The following LAMA5 variants were observed in gnomAD, a reference collection of about 807,000 sequenced individuals.
The protein encoded by LAMA5 is laminin subunit alpha-5.
Under a neutral mutation model 433.4 loss-of-function variants are expected in LAMA5, and 260 were observed. The observed-to-expected ratio is 0.60, with a 90% CI of 0.54 to 0.66. LAMA5 has a LOEUF of 0.66. Ranked by LOEUF, LAMA5 falls within the 30% of genes least tolerant of loss-of-function variation. The pLI, the probability that LAMA5 is intolerant of heterozygous loss-of-function variation, is 0.00. For missense variants in LAMA5, 5,378 were observed against 5,258.5 expected, an observed-to-expected ratio of 1.02 and a Z score of -0.70; for synonymous variants, 2,620 against 2,226.6, an observed-to-expected ratio of 1.18 and a Z score of -4.97.
At chr20:62,327,107 C>T (rs1422001125) in intron 38 of LAMA5, 126 bp downstream of exon 38, 3 of 1,141,174 alleles carry the variant, frequency 2.6e-6, no homozygotes, top group Non-Finnish European at 3.7e-6. Context: ...GGGACAGGGC[C>T]TGGGCACCCT....
intron 52 of LAMA5, 57 bp from the exon 53 acceptor site, chr20:62,318,707 C>G: frequency 6.3e-7 from 1 of 1,585,744 alleles, no homozygotes; most frequent in East Asian, 2.3e-5. Flanking sequence ...TTCATGACCC[C>G]TGGTCTCCAC....
Position 62,344,605 on chromosome 20 carries a change from C to T in LAMA5, c.1477+1213G>A, listed in dbSNP as rs143921873. On this transcript the variant is annotated intron_variant, in intron 11 of 79. Transcript: ENST00000252999. The stretch of plus-strand genomic sequence containing the variant: ...CTGGGATTACAGGCACGCACCACCA[C>T]GCCTGGCTAATTTTTGTATTTTTAG... Among the ~76,000 whole-genome samples, 1,451 of 152,006 alleles carry T rather than the reference C, an allele frequency of 9.5e-3. 12 individuals are homozygous for T. Among genetic ancestry groups the T allele is most frequent in the African/African-American group, 0.033 (1,373 of 41,438 alleles).
chr20:62,340,992 T>C (rs1982502587), intron 11 of LAMA5, among the ~76,000 whole-genome samples: 1 of 151,828 alleles, frequency 6.6e-6, no homozygotes, highest in South Asian at 2.1e-4. Context: ...TGAGCCGAGA[T>C]CGTGCAACTG....
chr20:62,345,707 CAAAAAT>C, intron 11 of LAMA5, 105 bp downstream of exon 11: 1 of 786,514 alleles, frequency 1.3e-6, no homozygotes. Context: ...AGAAATAAGC[CAAAAAT>C]AAAGTGACCA....
rs182267865 is a variant in LAMA5, at chr20:62,348,130, T to A, written c.957-1102A>T. On this transcript the variant is annotated intron_variant, in intron 6 of 79. Coordinates refer to ENST00000252999, the MANE Select transcript of LAMA5 (RefSeq NM_005560.6). ...CGGGCTGGCGATACCCTGGGGTGTA[T>A]AGCAAAAGCTCTCCCAAAACCATCC... Among the ~76,000 whole-genome samples, 384 of 152,222 alleles carry A rather than the reference T, an allele frequency of 2.5e-3. 2 individuals carry two copies. The highest frequency in any genetic ancestry group is 8.4e-3 in the African/African-American group (347 of 41,526).
intron 44 of LAMA5, 40 bp from the exon 45 acceptor site, chr20:62,323,710 C>A: frequency 5.0e-6 from 8 of 1,589,672 alleles, no homozygotes; most frequent in Non-Finnish European, 6.9e-6. Context: ...TGGCCCGTGG[C>A]GCCCACCCTC....
intron 22 of LAMA5, 68 bp downstream of exon 22, chr20:62,334,118 C>CCCCT: frequency 2.5e-6 from 4 of 1,586,628 alleles, no homozygotes; most frequent in Non-Finnish European, 3.4e-6. Flanking sequence ...GGCCTGCCCA[C>CCCCT]CCCTCCCTGC....
chr20:62,363,918 A>T (rs371595945), intron 1 of LAMA5, among the ~76,000 whole-genome samples: 1 of 152,016 alleles, frequency 6.6e-6, no homozygotes, highest in Non-Finnish European at 1.5e-5. Flanking sequence ...GGATTGCCCC[A>T]TCTCAGACCT....
intron 11 of LAMA5, among the ~76,000 whole-genome samples, chr20:62,338,972 G>T (rs1982148855): frequency 6.6e-6 from 1 of 150,782 alleles, no homozygotes; most frequent in African/African-American, 2.4e-5. Flanking sequence ...GGGAGGCGGA[G>T]GTTGCAATGA....
At chr20:62,316,143 GGACC>G in intron 57 of LAMA5, 85 bp from the exon 58 acceptor site, 8 of 895,210 alleles carry the variant, frequency 8.9e-6, no homozygotes, top group Non-Finnish European at 1.4e-5. Context: ...GACCCCAGGA[GGACC>G]AAGGCTGACA....
At chr20:62,354,022 G>A (rs544874176) in intron 2 of LAMA5, among the ~76,000 whole-genome samples, 1 of 152,136 alleles carries the variant, frequency 6.6e-6, no homozygotes, top group African/African-American at 2.4e-5. Context: ...GCAGAGGAAA[G>A]CTGCTCCTTC....
At chr20:62,338,631 G>A in intron 11 of LAMA5, 23 bp from the exon 12 acceptor site, 1 of 1,598,260 alleles carries the variant, frequency 6.3e-7, no homozygotes, top group African/African-American at 1.3e-5. Flanking sequence ...GACAGGCAGG[G>A]GAGTCTCAGA....
At chr20:62,316,100 C>G in intron 57 of LAMA5, 42 bp from the exon 58 acceptor site, 1 of 1,422,672 alleles carries the variant, frequency 7.0e-7, no homozygotes, top group East Asian at 2.4e-5. Flanking sequence ...GCTTCACCCC[C>G]AGTATACAAT....
chr20:62,333,126 C>T lies in LAMA5; in HGVS notation c.3246G>A (p.Pro1082=), dbSNP rs565342421. The part of the protein sequence containing the change: ...PRPCPTEQLS[P]SHPPLITCTG... ...TGCAGGTGATCAGTGGCGGGTGCGA[C>T]GGGCTGAGCTGCTCCGTGGGGCAGG... The change falls in exon 26 of 80, where the codon CCG becomes CCA. Residue 1082 remains proline, a synonymous_variant. Coordinates refer to ENST00000252999, the MANE Select transcript of LAMA5 (RefSeq NM_005560.6). 20 of 1,481,930 alleles carry T rather than the reference C, an allele frequency of 1.3e-5. No individual in the cohort carries two copies. The South Asian group carries it at 1.7e-4, about 12-fold the overall frequency. The allele number at this position is 1,481,930 out of a possible 1,614,324, so 91.8% of individuals were successfully genotyped here. A position where few individuals can be genotyped will look rare whatever the true frequency, so the allele number is the denominator to read the frequency against.
intron 16 of LAMA5, among the ~76,000 whole-genome samples, chr20:62,337,204 C>T (rs1278425340): frequency 1.5e-5 from 2 of 137,452 alleles, no homozygotes; most frequent in African/African-American, 5.5e-5. Flanking sequence ...ATACGCGCAC[C>T]CACTTATGCG....
In LAMA5 at chr20:62,310,168, C is replaced by T. The variant is rs745336416; in HGVS notation, c.10734+10G>A. On this transcript the variant is annotated intron_variant, in intron 77 of 79. Coordinates refer to ENST00000252999, the MANE Select transcript of LAMA5 (RefSeq NM_005560.6). ...ACCCTGCCCTGGCACGCCACCTCTG[C>T]CAGGCTTACTTGCTTCTCGGTCACC... 1.9e-6 allele frequency: 3 copies of T among 1,612,262 alleles called. No homozygotes were observed. Among genetic ancestry groups the T allele is most frequent in the East Asian group, 2.2e-5 (1 of 44,882 alleles).
Position 62,326,972 on chromosome 20 carries a change from G to C in LAMA5, c.5113-6C>G, listed in dbSNP as rs915523279. ...GTCCCACCGTAGGATGACACCTGGA[G>C]GCAGGACAGACAGAGGTGACCTGGC... On this transcript the variant is annotated splice_region_variant and splice_polypyrimidine_tract_variant and intron_variant, in intron 38 of 79. Transcript: ENST00000252999. The C allele has an allele frequency of 6.3e-7, 1 of 1,592,890 alleles. No homozygotes were observed.
At position 62,309,978 on chromosome 20, in the gene LAMA5, G is replaced by A. The variant is rs1427843146; in HGVS notation, c.10828+10C>T. ...GTGGCAGAGTGCCCTGGCCACAGGA[G>A]GGGCCTCACCCGCTAGCCGGTGCCA... On this transcript the variant is annotated intron_variant, in intron 78 of 79. Coordinates refer to ENST00000252999, the MANE Select transcript of LAMA5 (RefSeq NM_005560.6). 1.9e-6 allele frequency: 3 copies of A among 1,609,444 alleles called. No individual in the cohort carries two copies. The highest frequency in any genetic ancestry group is 2.5e-6 in the Non-Finnish European group (3 of 1,179,280).
rs142756912 is a variant in LAMA5, at chr20:62,311,627, C to T, written c.9793G>A (p.Val3265Ile). 8.3e-4 allele frequency: 1,325 copies of T among 1,604,972 alleles called. 1 individual carries two copies. Among genetic ancestry groups the T allele is most frequent in the Admixed American group, 1.4e-3 (83 of 58,764 alleles). Residue 3265 changes from valine (V) to isoleucine (I), a missense_variant, in exon 71 of 80, where the codon GTC becomes ATC. Transcript: ENST00000252999. The stretch of plus-strand genomic sequence containing the variant: ...CACCAGGCTCACCGCTGCACGAAGA[C>T]GTTGCTGATGCAGCCACTGAAGTTG... ...IYNFSGCISN[V>I]FVQRLLGPQR...
Sources: allele counts gnomAD v4.1 joint callset (sites outside exome capture counted in the v4.1 genomes callset), GRCh38; gene constraint gnomAD v4.1.1; transcripts MANE v1.5; gene names NCBI Gene and HGNC (gene_info 2026-07-23, HGNC 2026-07-21).